DOCK10: variants seen among roughly 807,000 people sequenced by gnomAD.
The protein encoded by DOCK10 is dedicator of cytokinesis protein 10.
Under a neutral mutation model 280.1 loss-of-function variants are expected in DOCK10, and 145 were observed. The ratio of observed to expected loss-of-function variants is 0.52; its 90% CI spans 0.45 to 0.59. DOCK10 has a LOEUF of 0.59. Among genes scored for constraint, DOCK10 ranks in the 20% least tolerant of loss-of-function variants. The probability of loss-of-function intolerance (pLI) is 0.00; values close to 1 mark genes in which losing one functional copy is unlikely to be tolerated. For missense variants in DOCK10, 2,368 were observed against 2,651.7 expected (o/e 0.89, Z 2.35); for synonymous variants, 915 against 942.2 (o/e 0.97, Z 0.53).
intron 48 of DOCK10, among the ~76,000 whole-genome samples, chr2:224,787,737 T>C (rs1691834192): frequency 6.6e-6 from 1 of 152,166 alleles, no homozygotes. Context: ...TAATCTTTCT[T>C]TGTAAAACAT....
intron 1 of DOCK10, among the ~76,000 whole-genome samples, chr2:224,936,022 C>G (rs1318905748): frequency 6.6e-6 from 1 of 152,138 alleles, no homozygotes; most frequent in Non-Finnish European, 1.5e-5. Context: ...GGAGATTATA[C>G]CCAATGAGTG....
intron 11 of DOCK10, among the ~76,000 whole-genome samples, chr2:224,871,550 C>A (rs1202449354): frequency 6.6e-6 from 1 of 152,158 alleles, no homozygotes; most frequent in Non-Finnish European, 1.5e-5. Flanking sequence ...TAAATTCAAA[C>A]TCTTTACTAT....
At chr2:224,921,875 G>GGGGTGGGAGTGT (rs1414570958) in intron 2 of DOCK10, among the ~76,000 whole-genome samples, 12 of 151,938 alleles carry the variant, frequency 7.9e-5, no homozygotes, top group Non-Finnish European at 1.8e-4. Flanking sequence ...TGAGGCGGGT[G>GGGGTGGGAGTGT]GATCACCTGA....
intron 1 of DOCK10, among the ~76,000 whole-genome samples, chr2:225,002,344 T>C (rs1706462282): frequency 6.6e-6 from 1 of 152,192 alleles, no homozygotes; most frequent in Non-Finnish European, 1.5e-5. Flanking sequence ...ATATCACTTA[T>C]TTGTAGTATC....
intron 27 of DOCK10, among the ~76,000 whole-genome samples, chr2:224,824,429 CTTTTT>C (rs869275800): frequency 4.7e-5 from 3 of 63,602 alleles, no homozygotes; most frequent in African/African-American, 7.3e-5. Flanking sequence ...TCAGACTCTG[CTTTTT>C]TTTTTTTTTT....
chr2:224,826,230 A>ACCC (rs1163338098), intron 27 of DOCK10, among the ~76,000 whole-genome samples: 5 of 152,026 alleles, frequency 3.3e-5, no homozygotes, highest in African/African-American at 1.2e-4. Context: ...CATCCAGCTA[A>ACCC]CTTTTGTATT....
At chr2:224,928,719 AT>A (rs1461470307) in intron 2 of DOCK10, among the ~76,000 whole-genome samples, 1 of 152,230 alleles carries the variant, frequency 6.6e-6, no homozygotes, top group African/African-American at 2.4e-5. Flanking sequence ...GATAGTAAGG[AT>A]TAGGTAGCAT....
At chr2:224,877,409 T>G (rs1698694812) in intron 7 of DOCK10, among the ~76,000 whole-genome samples, 1 of 111,374 alleles carries the variant, frequency 9.0e-6, no homozygotes, top group Non-Finnish European at 2.1e-5. Flanking sequence ...CCAGTCATAT[T>G]TTATGAATGG....
chr2:224,835,513 T>A (rs958041859), intron 25 of DOCK10, among the ~76,000 whole-genome samples: 1 of 152,236 alleles, frequency 6.6e-6, no homozygotes, highest in Non-Finnish European at 1.5e-5. Context: ...GGTGTTTAGA[T>A]AACTTCTAAA....
intron 1 of DOCK10, among the ~76,000 whole-genome samples, chr2:224,989,974 T>C (rs181055218): frequency 2.0e-5 from 3 of 152,322 alleles, no homozygotes; most frequent in Admixed American, 6.5e-5. Flanking sequence ...TGCAGGCATC[T>C]TTCCCGTGTG....
intron 1 of DOCK10, among the ~76,000 whole-genome samples, chr2:224,963,028 A>G (rs1294579317): frequency 5.3e-5 from 8 of 152,080 alleles, no homozygotes; most frequent in African/African-American, 1.4e-4. Context: ...AAAATTCGAG[A>G]TCTGACCATA....
At chr2:224,832,890 CCT>C (rs760548119) in intron 26 of DOCK10, among the ~76,000 whole-genome samples, 4 of 152,180 alleles carry the variant, frequency 2.6e-5, no homozygotes, top group Non-Finnish European at 5.9e-5. Flanking sequence ...AGCCTCAACT[CCT>C]CTACTGCCCT....
intron 1 of DOCK10, among the ~76,000 whole-genome samples, chr2:225,032,479 C>A (rs1690107602): frequency 6.6e-6 from 1 of 152,116 alleles, no homozygotes; most frequent in Non-Finnish European, 1.5e-5. Flanking sequence ...AAATTTATAG[C>A]CCACCATAAA....
At chr2:224,928,830 T>C (rs1702173531) in intron 2 of DOCK10, among the ~76,000 whole-genome samples, 1 of 152,236 alleles carries the variant, frequency 6.6e-6, no homozygotes, top group South Asian at 2.1e-4. Context: ...AGAGCCCAGA[T>C]GAACTTTTAA....
intron 48 of DOCK10, among the ~76,000 whole-genome samples, chr2:224,787,922 T>C (rs1348752536): frequency 3.3e-5 from 5 of 152,150 alleles, no homozygotes; most frequent in African/African-American, 1.2e-4. Flanking sequence ...GGCCATACCA[T>C]ATACCACTCC....
At chr2:224,936,140 G>A (rs1702680831) in intron 1 of DOCK10, among the ~76,000 whole-genome samples, 1 of 152,160 alleles carries the variant, frequency 6.6e-6, no homozygotes, top group African/African-American at 2.4e-5. Context: ...TTGAAACTAG[G>A]ATAAGGGTTG....
intron 50 of DOCK10, among the ~76,000 whole-genome samples, chr2:224,779,564 A>G (rs1183204276): frequency 6.6e-6 from 1 of 152,174 alleles, no homozygotes; most frequent in South Asian, 2.1e-4. Flanking sequence ...GGGTGAAGAC[A>G]CTGGATGTCA....
intron 26 of DOCK10, among the ~76,000 whole-genome samples, chr2:224,832,801 C>T (rs1356781221): frequency 1.3e-5 from 2 of 152,288 alleles, no homozygotes; most frequent in East Asian, 3.9e-4. Context: ...AGCACTCTGG[C>T]CTGCCTCCAC....
At chr2:224,853,214 A>G (rs1451304695) in intron 16 of DOCK10, 92 bp from the exon 17 acceptor site, 1 of 1,141,384 alleles carries the variant, frequency 8.8e-7, no homozygotes, top group Non-Finnish European at 1.2e-6. Flanking sequence ...CCCACTCAAG[A>G]TAGAAACTCC....
Sources: allele counts gnomAD v4.1 joint callset (sites outside exome capture counted in the v4.1 genomes callset), GRCh38; gene constraint gnomAD v4.1.1; transcripts MANE v1.5; gene names NCBI Gene and HGNC (gene_info 2026-07-23, HGNC 2026-07-21).